Variants in PPP1R12B observed in about 807,000 individuals in gnomAD.
The protein encoded by PPP1R12B is myosin phosphatase target subunit 2.
PPP1R12B carries 76 observed loss-of-function variants against 126.1 expected under a neutral mutation model. The ratio of observed to expected loss-of-function variants is 0.60; its 90% CI spans 0.50 to 0.73. The LOEUF (loss-of-function observed/expected upper bound fraction) is 0.73, where lower values mean the gene tolerates loss of function less well. Among genes scored for constraint, PPP1R12B ranks in the 30% least tolerant of loss-of-function variants. The pLI, the probability that PPP1R12B is intolerant of heterozygous loss-of-function variation, is 0.00. For synonymous variants in PPP1R12B, 356 were observed against 434.7 expected, an observed-to-expected ratio of 0.82 and a Z score of 2.25; for missense variants, 1,052 against 1,205.1, an observed-to-expected ratio of 0.87 and a Z score of 1.88.
At chr1:202,580,348 C>T in intron 23 of PPP1R12B, 126 bp from the exon 24 acceptor site, 1 of 670,310 alleles carries the variant, frequency 1.5e-6, no homozygotes, top group South Asian at 1.8e-5. Flanking sequence ...GGAGAAGGGA[C>T]CATGAGAGTT....
At chr1:202,504,391 C>T (rs1166296372) in intron 18 of PPP1R12B, among the ~76,000 whole-genome samples, 1 of 151,698 alleles carries the variant, frequency 6.6e-6, no homozygotes, top group Admixed American at 6.6e-5. Context: ...AGACCCTGTC[C>T]CCCCCAAAAA....
intron 12 of PPP1R12B, chr1:202,443,128 G>T: frequency 1.0e-6 from 1 of 982,332 alleles, no homozygotes; most frequent in South Asian, 4.7e-5. Context: ...TGCAGAGAAG[G>T]TACATGGGTT....
rs566981701 is a variant in PPP1R12B, at chr1:202,387,534, C to T, written c.292-29253C>T. 2.2e-4 allele frequency among the ~76,000 whole-genome samples: 34 copies of T among 152,136 alleles called. No homozygotes were observed. In the South Asian group the frequency reaches 3.5e-3, roughly 16 times the overall value. On this transcript the variant is annotated intron_variant, in intron 1 of 23. Transcript: ENST00000608999. ...CTCCAAAAAGACAACTTAAATGTGC[C>T]GGCTAGCTATTTGGCTACTCCTTAA... is the stretch of plus-strand genomic sequence containing the variant.
At chr1:202,418,401 A>G (rs1168891954) in intron 2 of PPP1R12B, among the ~76,000 whole-genome samples, 5 of 152,124 alleles carry the variant, frequency 3.3e-5, no homozygotes, top group Admixed American at 3.3e-4. Context: ...GCTCATGCTT[A>G]GAATTAGGAT....
At chr1:202,426,931 C>A (rs747945759) in intron 4 of PPP1R12B, 109 bp from the exon 5 acceptor site, 57 of 1,424,170 alleles carry the variant, frequency 4.0e-5, no homozygotes, top group African/African-American at 1.1e-4. Context: ...AATCATAAGA[C>A]CCCTGTGGTT....
chr1:202,547,728 C>G (rs991123504), intron 18 of PPP1R12B, among the ~76,000 whole-genome samples: 13 of 152,202 alleles, frequency 8.5e-5, no homozygotes, highest in South Asian at 2.1e-4. Flanking sequence ...TCCATCCAGA[C>G]AGTAAAATAA....
At chr1:202,513,857 C>G (rs1200446260) in intron 18 of PPP1R12B, among the ~76,000 whole-genome samples, 3 of 152,082 alleles carry the variant, frequency 2.0e-5, no homozygotes, top group African/African-American at 4.8e-5. Flanking sequence ...GGGCACACCA[C>G]TGTTTGAGAT....
chr1:202,361,917 G>A (rs532665982), intron 1 of PPP1R12B, among the ~76,000 whole-genome samples: 3 of 152,164 alleles, frequency 2.0e-5, no homozygotes, highest in Non-Finnish European at 4.4e-5. Flanking sequence ...GCATTCATAT[G>A]GAGATTGGGT....
rs1237474696 is a variant in PPP1R12B, at chr1:202,590,917, G to A, written c.*10357G>A. On this transcript the variant is annotated 3_prime_UTR_variant, in exon 24 of 24. Coordinates refer to ENST00000608999, the MANE Select transcript of PPP1R12B (RefSeq NM_002481.4). ...TCAGGGCAGAAGGGTCACTATCTTTGAAGAGGCCCCCCTAAAGTCCTGATC... is the reference window on the plus strand; with the variant it reads ...TCAGGGCAGAAGGGTCACTATCTTTAAAGAGGCCCCCCTAAAGTCCTGATC... 6.6e-6 allele frequency: 1 copy of A among 152,202 alleles called. No homozygotes were observed. The highest frequency in any genetic ancestry group is 1.9e-4 in the East Asian group (1 of 5,174). The allele number at this position is 152,202 out of a possible 1,614,324, so 9.4% of individuals were successfully genotyped here. A position where few individuals can be genotyped will look rare whatever the true frequency, so the allele number is the denominator to read the frequency against.
rs1190801427 is a variant in PPP1R12B, at chr1:202,501,831, T to C, written c.2490+5009T>C. On this transcript the variant is annotated intron_variant, in intron 18 of 23. Coordinates refer to ENST00000608999, the MANE Select transcript of PPP1R12B (RefSeq NM_002481.4). ...AGGACTTACATCCTTTTCTATTCCT[T>C]ATTCATCCATTTGGTTTTTTTACTC... The C allele has an allele frequency of 4.1e-6, 4 of 981,776 alleles. No homozygotes were observed. In the African/African-American group the frequency reaches 7.0e-5, roughly 17 times the overall value. 60.8% of individuals were successfully genotyped at this position (981,776 alleles called of 1,614,324 possible).
At chr1:202,353,600 G>GTGTA (rs1331668982) in intron 1 of PPP1R12B, among the ~76,000 whole-genome samples, 8 of 129,266 alleles carry the variant, frequency 6.2e-5, no homozygotes, top group Non-Finnish European at 5.2e-5. Context: ...GTGTGTGTGT[G>GTGTA]TGTGTGTGTG....
intron 18 of PPP1R12B, among the ~76,000 whole-genome samples, chr1:202,535,741 T>C (rs1275551222): frequency 6.6e-6 from 1 of 152,232 alleles, no homozygotes; most frequent in Non-Finnish European, 1.5e-5. Context: ...TTTGCAAAGC[T>C]CATCCTGTAG....
At chr1:202,466,467 T>C (rs1226883051) in intron 13 of PPP1R12B, among the ~76,000 whole-genome samples, 1 of 152,132 alleles carries the variant, frequency 6.6e-6, no homozygotes, top group Non-Finnish European at 1.5e-5. Flanking sequence ...CCCTTTTTTT[T>C]TTCTGTAAAC....
chr1:202,557,719 G>A (rs781288652), intron 18 of PPP1R12B, among the ~76,000 whole-genome samples: 45 of 152,134 alleles, frequency 3.0e-4, no homozygotes, highest in Non-Finnish European at 3.2e-4. Flanking sequence ...ATTGAGGTTA[G>A]GACATGTACA....
intron 18 of PPP1R12B, chr1:202,558,512 C>G (rs545876609): frequency 5.5e-6 from 1 of 183,312 alleles, no homozygotes; most frequent in East Asian, 1.4e-4. Flanking sequence ...GGCCAAATGT[C>G]ACATAGAAAG....
intron 11 of PPP1R12B, among the ~76,000 whole-genome samples, chr1:202,442,068 T>C (rs538996841): frequency 6.2e-4 from 94 of 151,972 alleles, no homozygotes; most frequent in African/African-American, 2.1e-3. Flanking sequence ...AGGCTGGTCT[T>C]GAACTCCTGA....
At chr1:202,380,955 A>G (rs1453471244) in intron 1 of PPP1R12B, among the ~76,000 whole-genome samples, 1 of 152,184 alleles carries the variant, frequency 6.6e-6, no homozygotes, top group East Asian at 1.9e-4. Context: ...TTTATAAAGC[A>G]ATTACTTCCT....
At chr1:202,473,671 G>A (rs960160262) in intron 13 of PPP1R12B, among the ~76,000 whole-genome samples, 6 of 152,192 alleles carry the variant, frequency 3.9e-5, no homozygotes, top group African/African-American at 1.4e-4. Flanking sequence ...ATGTTATTTT[G>A]GGAACTATTA....
intron 18 of PPP1R12B, among the ~76,000 whole-genome samples, chr1:202,532,187 G>A (rs1448538523): frequency 6.6e-6 from 1 of 152,134 alleles, no homozygotes; most frequent in Non-Finnish European, 1.5e-5. Context: ...GTCACTGGTG[G>A]GAGTGTCTCT....
Sources: allele counts gnomAD v4.1 joint callset (sites outside exome capture counted in the v4.1 genomes callset), GRCh38; gene constraint gnomAD v4.1.1; transcripts MANE v1.5; gene names NCBI Gene and HGNC (gene_info 2026-07-23, HGNC 2026-07-21).